Variants in IL1RAPL1 observed in about 807,000 individuals in gnomAD.
IL1RAPL1 encodes interleukin 1 receptor accessory protein like 1.
Under a neutral mutation model 48.4 loss-of-function variants are expected in IL1RAPL1, and 3 were observed. The observed-to-expected ratio is 0.06, with a 90% confidence interval of 0.03 to 0.16. IL1RAPL1 has a LOEUF of 0.16. Among genes scored for constraint, IL1RAPL1 ranks in the 10% least tolerant of loss-of-function variants. IL1RAPL1 has a pLI of 1.00. For synonymous variants in IL1RAPL1, 185 were observed against 187.7 expected, an observed-to-expected ratio of 0.99 and a Z score of 0.12; for missense variants, 349 against 530.6, an observed-to-expected ratio of 0.66 and a Z score of 3.36.
chrX:29,546,652 G>T (rs1921634861), intron 5 of IL1RAPL1, among the ~76,000 whole-genome samples: 2 of 110,984 alleles, frequency 1.8e-5, no homozygotes, highest in Admixed American at 1.9e-4. Context: ...TCCCCTGACC[G>T]CATGTCATCC....
At chrX:29,286,435 A>G (rs1373068708) in intron 3 of IL1RAPL1, among the ~76,000 whole-genome samples, 1 of 111,839 alleles carries the variant, frequency 8.9e-6, no homozygotes, top group African/African-American at 3.3e-5. Context: ...TAATCCCAGC[A>G]CTTTGGGAGG....
chrX:28,986,739 C>T (rs2147378702), intron 2 of IL1RAPL1, among the ~76,000 whole-genome samples: 1 of 111,885 alleles, frequency 8.9e-6, no homozygotes, highest in African/African-American at 3.2e-5. Flanking sequence ...GAAAAATATA[C>T]CCGTTTTTCT....
chrX:29,098,464 A>ATATTTATTTGGAAAAATG (rs1928263162), intron 2 of IL1RAPL1, among the ~76,000 whole-genome samples: 3 of 112,391 alleles, frequency 2.7e-5, no homozygotes, highest in South Asian at 7.3e-4. Context: ...TTTGGAAATA[A>ATATTTATTTGGAAAAATG]TATTTATTTG....
intron 1 of IL1RAPL1, among the ~76,000 whole-genome samples, chrX:28,641,456 G>T (rs1934540350): frequency 9.0e-6 from 1 of 111,503 alleles, no homozygotes; most frequent in Admixed American, 9.6e-5. Flanking sequence ...TCTTTATCCA[G>T]TCTGTCATTG....
rs1042743149 is a variant in IL1RAPL1 at position 29,555,606 on chromosome X, C to G, written c.704-112824C>G. Among the ~76,000 whole-genome samples, 10 of 111,898 alleles carry G rather than the reference C, an allele frequency of 8.9e-5. No individual in the cohort carries two copies. The Admixed American group carries it at 9.5e-4, about 11-fold the overall frequency. ...AAAGTTCATTGTAGCCCTTATAACA[C>G]TGAAACCTACCTGTGTGCACATCTG... On this transcript the variant is annotated intron_variant, in intron 5 of 10. Coordinates refer to ENST00000378993, the MANE Select transcript of IL1RAPL1 (RefSeq NM_014271.4).
intron 2 of IL1RAPL1, among the ~76,000 whole-genome samples, chrX:29,116,219 T>C (rs1928675903): frequency 9.0e-6 from 1 of 111,063 alleles, no homozygotes; most frequent in South Asian, 3.8e-4. Flanking sequence ...CTTTGTCCAA[T>C]AGCAAGGGGG....
At chrX:29,764,930 C>G (rs1038756605) in intron 6 of IL1RAPL1, among the ~76,000 whole-genome samples, 1 of 112,133 alleles carries the variant, frequency 8.9e-6, no homozygotes, top group Middle Eastern at 4.6e-3. Flanking sequence ...AGATACTAAA[C>G]TAGGACAAGA....
At chrX:29,886,246 A>G (rs1932164153) in intron 6 of IL1RAPL1, among the ~76,000 whole-genome samples, 1 of 112,436 alleles carries the variant, frequency 8.9e-6, no homozygotes, top group Non-Finnish European at 1.9e-5. Flanking sequence ...TTTTTCTCCA[A>G]ATCTTTGGAT....
chrX:29,397,753 T>C lies in IL1RAPL1; in HGVS notation c.549+1309T>C, dbSNP rs2206354. 7.8e-3 allele frequency among the ~76,000 whole-genome samples: 868 copies of C among 111,634 alleles called. 10 individuals carry two copies. The highest frequency in any genetic ancestry group is 0.025 in the African/African-American group (761 of 30,758). On this transcript the variant is annotated intron_variant, in intron 4 of 10. Transcript: ENST00000378993. ...GGGAATTTGACCCAAAGTCTCCAAA[T>C]AAACCCTTTTTTTTCTTAGTACTCA... is the stretch of plus-strand genomic sequence containing the variant.
At chrX:29,331,351 A>G (rs951080655) in intron 3 of IL1RAPL1, among the ~76,000 whole-genome samples, 2 of 109,814 alleles carry the variant, frequency 1.8e-5, no homozygotes, top group African/African-American at 6.6e-5. Context: ...GTGTGAGGTG[A>G]GCTCCATTCC....
At chrX:28,763,909 A>G (rs1936205190) in intron 1 of IL1RAPL1, among the ~76,000 whole-genome samples, 2 of 110,866 alleles carry the variant, frequency 1.8e-5, no homozygotes, top group South Asian at 3.8e-4. Flanking sequence ...TCATTATATT[A>G]TATTTTGTGT....
rs191363851 is a variant in IL1RAPL1, at chrX:28,813,176, A to T, written c.82+23751A>T. Among the ~76,000 whole-genome samples, 15 of 111,621 alleles carry T rather than the reference A, an allele frequency of 1.3e-4. No homozygotes were observed. In the East Asian group the frequency reaches 4.2e-3, roughly 32 times the overall value. ...TCAGATATTCCTTCTTTTCTAACAT[A>T]TGCATGCAGCACTATGAATTTCCCT... On this transcript the variant is annotated intron_variant, in intron 2 of 10. Coordinates refer to ENST00000378993, the MANE Select transcript of IL1RAPL1 (RefSeq NM_014271.4).
At chrX:29,630,905 TA>T (rs1924756532) in intron 5 of IL1RAPL1, among the ~76,000 whole-genome samples, 1 of 112,765 alleles carries the variant, frequency 8.9e-6, no homozygotes, top group Non-Finnish European at 1.9e-5. Context: ...TTTGACATAT[TA>T]AATTTGCATT....
intron 7 of IL1RAPL1, among the ~76,000 whole-genome samples, chrX:29,918,262 T>C (rs2078692317): frequency 1.1e-5 from 1 of 94,238 alleles, no homozygotes; most frequent in Non-Finnish European, 2.1e-5. Flanking sequence ...AAAAATGTTC[T>C]TTGGGAGGCC....
intron 1 of IL1RAPL1, among the ~76,000 whole-genome samples, chrX:28,593,511 T>C (rs1055510164): frequency 6.3e-5 from 7 of 111,714 alleles, no homozygotes; most frequent in Non-Finnish European, 1.3e-4. Flanking sequence ...TAAATGGCAC[T>C]AAATGAGCTG....
At chrX:29,286,336 C>T (rs981583044) in intron 3 of IL1RAPL1, among the ~76,000 whole-genome samples, 9 of 111,264 alleles carry the variant, frequency 8.1e-5, no homozygotes, top group Non-Finnish European at 1.7e-4. Context: ...GTAACAATTT[C>T]TTTTGTCTTA....
chrX:29,135,270 T>A (rs1929101527), intron 2 of IL1RAPL1, among the ~76,000 whole-genome samples: 1 of 112,144 alleles, frequency 8.9e-6, no homozygotes, highest in African/African-American at 3.2e-5. Flanking sequence ...AATCTGATAT[T>A]TTTACTGATT....
At chrX:28,815,417 G>T (rs1377965091) in intron 2 of IL1RAPL1, among the ~76,000 whole-genome samples, 4 of 110,222 alleles carry the variant, frequency 3.6e-5, no homozygotes, top group African/African-American at 1.3e-4. Flanking sequence ...GGATAATTGG[G>T]ATATCCATCA....
At chrX:29,932,554 CAA>C (rs1421558610) in intron 8 of IL1RAPL1, among the ~76,000 whole-genome samples, 2 of 111,973 alleles carry the variant, frequency 1.8e-5, no homozygotes, top group African/African-American at 6.5e-5. Flanking sequence ...TGCTCCAGAC[CAA>C]ACTACTTGCC....
Sources: allele counts gnomAD v4.1 joint callset (sites outside exome capture counted in the v4.1 genomes callset), GRCh38; gene constraint gnomAD v4.1.1; transcripts MANE v1.5; gene names NCBI Gene and HGNC (gene_info 2026-07-23, HGNC 2026-07-21).